The following SLC37A2 variants were observed in gnomAD, a reference collection of about 807,000 sequenced individuals.
SLC37A2 encodes the protein solute carrier family 37 member 2, also known as glucose-6-phosphate exchanger SLC37A2.
SLC37A2 carries 59 observed loss-of-function variants against 70.7 expected under a neutral mutation model. That is an observed-to-expected ratio of 0.83 (90% CI 0.68 to 1.04). The LOEUF (loss-of-function observed/expected upper bound fraction) is 1.04, where lower values mean the gene tolerates loss of function less well. Among genes scored for constraint, SLC37A2 ranks in the 50% least tolerant of loss-of-function variants. SLC37A2 has a pLI of 0.00. For synonymous variants in SLC37A2, 257 were observed against 262.1 expected, an observed-to-expected ratio of 0.98 and a Z score of 0.19; for missense variants, 580 against 658.1, an observed-to-expected ratio of 0.88 and a Z score of 1.30.
At position 125,088,189 on chromosome 11, in the gene SLC37A2, C is replaced by T; in HGVS notation, c.*55C>T. 6.5e-7 allele frequency: 1 copy of T among 1,543,346 alleles called. No homozygotes were observed. The highest frequency in any genetic ancestry group is 8.8e-7 in the Non-Finnish European group (1 of 1,139,654). On this transcript the variant is annotated 3_prime_UTR_variant, in exon 18 of 18. Transcript: ENST00000403796. ...TCCCAGTTGGGTCCCCAACGTGCTC[C>T]CCATGGGCAAGACAATGGAAACTTC... is the stretch of plus-strand genomic sequence containing the variant.
At chr11:125,075,604 AAGAC>A (rs762372152) in intron 1 of SLC37A2, among the ~76,000 whole-genome samples, 5 of 152,226 alleles carry the variant, frequency 3.3e-5, no homozygotes, top group Non-Finnish European at 5.9e-5. Flanking sequence ...GTCTCTCAAG[AAGAC>A]AGACAGGAAG....
Position 125,077,233 on chromosome 11 carries a change from C to G in SLC37A2, c.145C>G (p.Arg49Gly). 2 of 1,585,082 alleles carry G rather than the reference C, an allele frequency of 1.3e-6. No individual in the cohort carries two copies. Among genetic ancestry groups the G allele is most frequent in the Non-Finnish European group, 1.7e-6 (2 of 1,166,332 alleles). ...SRKPISIVKSRLHQNCSEQIK... is the reference protein window; with the variant it reads ...SRKPISIVKSGLHQNCSEQIK... ...GTATGTCCCATTGCCTATCCAGAGC[C>G]GTCTGCACCAGAACTGCTCGGAGCA... Residue 49 changes from arginine (R) to glycine (G), a missense_variant, in exon 3 of 18, where the codon CGT becomes GGT. Transcript: ENST00000403796.
Position 125,085,951 on chromosome 11 carries a change from C to T in SLC37A2, c.1426-3C>T. On this transcript the variant is annotated splice_region_variant and splice_polypyrimidine_tract_variant and intron_variant, in intron 16 of 17. Coordinates refer to ENST00000403796, the MANE Select transcript of SLC37A2 (RefSeq NM_001145290.2). ...CCTTCCCTCTGTGCCTTGTGCTCCA[C>T]AGCTCCTTTGCCGGTTAGTATACAA... The T allele has an allele frequency of 1.2e-6, 2 of 1,614,006 alleles. No individual in the cohort carries two copies. Among genetic ancestry groups the T allele is most frequent in the Non-Finnish European group, 8.5e-7 (1 of 1,179,856 alleles).
intron 5 of SLC37A2, among the ~76,000 whole-genome samples, 158 bp downstream of exon 5, chr11:125,079,405 G>A (rs969056880): frequency 9.2e-5 from 14 of 152,242 alleles, no homozygotes; most frequent in African/African-American, 2.6e-4. Flanking sequence ...CACTGCCCCC[G>A]CATTTGTTCA....
rs1391716762 is a variant in SLC37A2 at position 125,083,852 on chromosome 11, A to C, written c.1014A>C (p.Thr338=). The part of the protein sequence containing the change: ...FSAKEAGDLS[T]LFDVGGIIGG... ...CCAAGGAGGCTGGGGACCTGTCTAC[A>C]CTCTTCGATGTTGGTGGCATCATAG... The change falls in exon 11 of 18, where the codon ACA becomes ACC. Residue 338 remains threonine (T), a synonymous_variant. Transcript: ENST00000403796. The surrounding 1 kb of genome is among the most constrained non-coding windows in gnomAD (Gnocchi z 4.6). The C allele has an allele frequency of 1.2e-6, 2 of 1,613,586 alleles. No homozygotes were observed. The highest frequency in any genetic ancestry group is 3.3e-5 in the Admixed American group (2 of 59,966).
chr11:125,079,826 G>A (rs567673355), intron 6 of SLC37A2, 66 bp downstream of exon 6: 159 of 1,247,778 alleles, frequency 1.3e-4, no homozygotes, highest in South Asian at 2.4e-4. Flanking sequence ...GCTGGTCACC[G>A]TGGCCTCTGA....
rs925879551 is a variant in SLC37A2, at chr11:125,086,013, C to CAGCGGGT, written c.1486_1490+2dup. ...CCTGGAAGGTGTCCCTGAGCAGAGG[C>CAGCGGGT]AGCGGGTGAGTCCGGGGAGCTGAAG... On this transcript the variant is annotated frameshift_variant, in exon 17 of 18. Coordinates refer to ENST00000403796, the MANE Select transcript of SLC37A2 (RefSeq NM_001145290.2). LOFTEE classifies it high-confidence loss of function. 1.2e-6 allele frequency: 2 copies of CAGCGGGT among 1,613,962 alleles called. No individual in the cohort carries two copies. The highest frequency in any genetic ancestry group is 1.7e-5 in the Admixed American group (1 of 60,008).
At chr11:125,085,883 C>A in intron 16 of SLC37A2, 71 bp from the exon 17 acceptor site, 1 of 1,456,352 alleles carries the variant, frequency 6.9e-7, no homozygotes, top group Non-Finnish European at 9.6e-7. Context: ...CCACGGGTCA[C>A]CCTGGTGCTG....
intron 1 of SLC37A2, among the ~76,000 whole-genome samples, chr11:125,073,485 G>A (rs1369655990): frequency 6.6e-6 from 1 of 152,234 alleles, no homozygotes; most frequent in East Asian, 1.9e-4. Flanking sequence ...AGAGCAGTGT[G>A]GGCCGCCTCC....
Position 125,080,739 on chromosome 11 carries a change from C to A in SLC37A2, c.653C>A (p.Thr218Asn). The change falls in exon 7 of 18, where the codon ACT becomes AAT. Residue 218 changes from threonine (T) to asparagine (N), a missense_variant. Thr to Asn is a moderately conservative substitution (Grantham distance 65, BLOSUM62 0). Coordinates refer to ENST00000403796, the MANE Select transcript of SLC37A2 (RefSeq NM_001145290.2). The surrounding 1 kb of genome is among the most constrained non-coding windows in gnomAD (Gnocchi z 4.3). ...GLSFIVPGII[T>N]AVMGVITFLF... is the part of the protein sequence containing the mutation. ...TCGTTCATCGTGCCTGGCATCATTA[C>A]TGCCGTCATGGGCGTCATCACCTTC... The A allele has an allele frequency of 6.5e-7, 1 of 1,548,668 alleles. No homozygotes were observed. The highest frequency in any genetic ancestry group is 1.4e-5 in the African/African-American group (1 of 71,896).
chr11:125,066,009 A>G (rs1181339349), intron 1 of SLC37A2, among the ~76,000 whole-genome samples: 1 of 152,218 alleles, frequency 6.6e-6, no homozygotes, highest in East Asian at 1.9e-4. Flanking sequence ...CTGAACATAG[A>G]AGACAGTCAT....
chr11:125,081,387 G>A (rs1396091417), intron 7 of SLC37A2, 34 bp from the exon 8 acceptor site: 1 of 1,594,674 alleles, frequency 6.3e-7, no homozygotes, highest in Admixed American at 1.7e-5. Context: ...GGCGGGGGTT[G>A]GGAAACTTCT....
chr11:125,082,130 C>A, intron 9 of SLC37A2, 114 bp from the exon 10 acceptor site: 1 of 1,110,532 alleles, frequency 9.0e-7, no homozygotes, highest in Non-Finnish European at 1.4e-6. Flanking sequence ...TTGGAGGCTG[C>A]CTTGTGTGGC....
At chr11:125,076,633 A>C in intron 1 of SLC37A2, 124 bp from the exon 2 acceptor site, 1 of 858,008 alleles carries the variant, frequency 1.2e-6, no homozygotes, top group Non-Finnish European at 1.9e-6. Context: ...CTGCACCAAG[A>C]AGGAAAGAGT....
At position 125,083,702 on chromosome 11, in the gene SLC37A2, C is replaced by T; in HGVS notation, c.977-113C>T. On this transcript the variant is annotated intron_variant, in intron 10 of 17. Transcript: ENST00000403796. The surrounding 1 kb of genome is among the most constrained non-coding windows in gnomAD (Gnocchi z 4.6). The stretch of plus-strand genomic sequence containing the variant: ...CCTGCTCCACAGGTCCCCAGCTCTT[C>T]CTCGGAAAAGGGGGCAGTGGTCTGG... 6.2e-6 allele frequency: 6 copies of T among 964,878 alleles called. No individual in the cohort carries two copies. The highest frequency in any genetic ancestry group is 9.8e-6 in the Non-Finnish European group (6 of 609,568). The allele number at this position is 964,878 out of a possible 1,614,324, so 59.8% of individuals were successfully genotyped here. A position where few individuals can be genotyped will look rare whatever the true frequency, so the allele number is the denominator to read the frequency against.
intron 17 of SLC37A2, 121 bp downstream of exon 17, chr11:125,086,139 A>G: frequency 6.5e-7 from 1 of 1,538,414 alleles, no homozygotes; most frequent in Non-Finnish European, 9.0e-7. Flanking sequence ...AGGAGCACTG[A>G]GCCAGTCCCT....
chr11:125,078,514 G>A (rs1035151341), intron 4 of SLC37A2, among the ~76,000 whole-genome samples: 3 of 152,288 alleles, frequency 2.0e-5, no homozygotes, highest in Non-Finnish European at 4.4e-5. Flanking sequence ...GAGGTAGCCC[G>A]GTGAGTCTTG....
At chr11:125,073,109 G>A (rs1006323859) in intron 1 of SLC37A2, among the ~76,000 whole-genome samples, 2 of 152,164 alleles carry the variant, frequency 1.3e-5, no homozygotes, top group African/African-American at 4.8e-5. Flanking sequence ...GGGGACATCA[G>A]GCTACCACCT....
Position 125,077,102 on chromosome 11 carries a change from A to G in SLC37A2, c.142-128A>G. 3 of 805,720 alleles carry G rather than the reference A, an allele frequency of 3.7e-6. 1 individual carries two copies. The highest frequency in any genetic ancestry group is 3.4e-5 in the South Asian group (2 of 59,536). The allele number at this position is 805,720 out of a possible 1,614,324, so 49.9% of individuals were successfully genotyped here. Reference sequence around the variant, plus strand: ...GCTTTCCCCTGCAGCCAGTTCCTGCAGGAGGAGGTGCCAGTAGCGGGGACA... The same window carrying G: ...GCTTTCCCCTGCAGCCAGTTCCTGCGGGAGGAGGTGCCAGTAGCGGGGACA... On this transcript the variant is annotated intron_variant, in intron 2 of 17. Coordinates refer to ENST00000403796, the MANE Select transcript of SLC37A2 (RefSeq NM_001145290.2).
Sources: allele counts gnomAD v4.1 joint callset (sites outside exome capture counted in the v4.1 genomes callset), GRCh38; gene constraint gnomAD v4.1.1; non-coding constraint Gnocchi (gnomAD v3.1); transcripts MANE v1.5; gene names NCBI Gene and HGNC (gene_info 2026-07-23, HGNC 2026-07-21).